The following XKR6 variants were observed in gnomAD, a reference collection of about 807,000 sequenced individuals.
XKR6 encodes XK related 6, also known as XK-related protein 6.
XKR6 carries 22 observed loss-of-function variants against 56.7 expected under a neutral mutation model. The observed-to-expected ratio is 0.39, with a 90% CI of 0.28 to 0.55. The LOEUF is 0.55. XKR6 is among the 20% of genes least tolerant of loss of function. The pLI is 0.66. For missense variants in XKR6, 852 were observed against 889.0 expected, an observed-to-expected ratio of 0.96 and a Z score of 0.53; for synonymous variants, 524 against 387.8, an observed-to-expected ratio of 1.35 and a Z score of -4.13.
rs775659258 is a variant in XKR6 at position 11,083,926 on chromosome 8, TA to T, written c.764+116649del. Among the ~76,000 whole-genome samples, 1,293 of 146,134 alleles carry T rather than the reference TA, an allele frequency of 8.8e-3. 8 individuals carry two copies. The highest frequency in any genetic ancestry group is 0.019 in the African/African-American group (779 of 40,138). ...ACAGATTGTAAGTTTGCTGTTTCGT[TA>T]AAAAAAAAAACTCCTTTAATACTAT... On this transcript the variant is annotated intron_variant, in intron 1 of 2. Coordinates refer to ENST00000416569, the MANE Select transcript of XKR6 (RefSeq NM_173683.4).
chr8:11,073,220 T>C (rs1439474892), intron 1 of XKR6, among the ~76,000 whole-genome samples: 2 of 152,180 alleles, frequency 1.3e-5, no homozygotes, highest in Non-Finnish European at 2.9e-5. Context: ...ATGTGTCCTT[T>C]TATGAGTTGA....
intron 1 of XKR6, among the ~76,000 whole-genome samples, chr8:10,947,543 G>A (rs993334865): frequency 1.1e-4 from 17 of 152,150 alleles, no homozygotes; most frequent in Admixed American, 6.5e-4. Flanking sequence ...AGAAAGGACC[G>A]AGAGGGCCCT....
intron 1 of XKR6, among the ~76,000 whole-genome samples, chr8:11,126,362 G>A (rs1038407889): frequency 2.0e-5 from 3 of 152,074 alleles, no homozygotes; most frequent in Non-Finnish European, 2.9e-5. Context: ...CACTGTGCCC[G>A]GCCTACTTTG....
At chr8:11,126,707 T>C (rs1217674009) in intron 1 of XKR6, among the ~76,000 whole-genome samples, 1 of 152,208 alleles carries the variant, frequency 6.6e-6, no homozygotes, top group African/African-American at 2.4e-5. Context: ...GAGCCATCTC[T>C]GGAGTCAGTT....
intron 1 of XKR6, chr8:11,138,352 C>G (rs1376382386): frequency 6.6e-6 from 1 of 152,322 alleles, no homozygotes; most frequent in African/African-American, 2.4e-5. Flanking sequence ...GGTCAGGCAT[C>G]TATCATAAAG....
intron 1 of XKR6, among the ~76,000 whole-genome samples, chr8:11,135,757 GAAAAAACCACCATACAGA>G (rs1415995227): frequency 6.6e-6 from 1 of 150,866 alleles, no homozygotes; most frequent in East Asian, 1.9e-4. Flanking sequence ...AGAAAAAAGT[GAAAAAACCACCATACAGA>G]AAAAAATTTC....
At chr8:10,956,713 C>G (rs553663853) in intron 1 of XKR6, among the ~76,000 whole-genome samples, 1 of 152,176 alleles carries the variant, frequency 6.6e-6, no homozygotes, top group Non-Finnish European at 1.5e-5. Flanking sequence ...TTTCAAAGGG[C>G]TGGAGCCAAT....
chr8:11,113,745 C>T (rs1049778398), intron 1 of XKR6: 2 of 152,884 alleles, frequency 1.3e-5, no homozygotes, highest in African/African-American at 4.8e-5. Context: ...AGGTAGCTCA[C>T]AAGAGCTCAC....
chr8:11,062,091 G>C (rs1799849674), intron 1 of XKR6, among the ~76,000 whole-genome samples: 1 of 152,196 alleles, frequency 6.6e-6, no homozygotes, highest in African/African-American at 2.4e-5. Context: ...AGGATGCTCA[G>C]AGAAACCAGA....
intron 1 of XKR6, among the ~76,000 whole-genome samples, chr8:11,069,971 G>A (rs1011100507): frequency 6.6e-6 from 1 of 152,212 alleles, no homozygotes; most frequent in African/African-American, 2.4e-5. Flanking sequence ...GCTGCCTCAT[G>A]ACTTCCGCCC....
intron 1 of XKR6, chr8:11,123,512 T>C (rs1799580627): frequency 4.3e-6 from 1 of 230,974 alleles, no homozygotes. Context: ...TGCTACAATG[T>C]GAAGCCTGAC....
intron 1 of XKR6, among the ~76,000 whole-genome samples, chr8:11,118,442 CTTTT>C (rs905089570): frequency 6.6e-6 from 1 of 152,250 alleles, no homozygotes; most frequent in South Asian, 2.1e-4. Flanking sequence ...TGGTCCTGGA[CTTTT>C]TTTAGTTGGT....
At chr8:11,140,965 C>G (rs566962168) in intron 1 of XKR6, among the ~76,000 whole-genome samples, 101 of 150,058 alleles carry the variant, frequency 6.7e-4, no homozygotes, top group African/African-American at 2.4e-3. Context: ...ATCAACATCA[C>G]TCCAAAGACA....
At chr8:11,194,129 T>C (rs376058790) in intron 1 of XKR6, among the ~76,000 whole-genome samples, 1 of 152,200 alleles carries the variant, frequency 6.6e-6, no homozygotes, top group African/African-American at 2.4e-5. Flanking sequence ...GCTTTAAAAA[T>C]AGATTAAGTG....
chr8:11,155,837 T>G (rs1188223769), intron 1 of XKR6, among the ~76,000 whole-genome samples: 2 of 152,238 alleles, frequency 1.3e-5, no homozygotes, highest in African/African-American at 4.8e-5. Flanking sequence ...TCAATGGCTC[T>G]CTTGCATTTT....
chr8:11,011,081 C>A (rs1406425994), intron 1 of XKR6, among the ~76,000 whole-genome samples: 2 of 152,216 alleles, frequency 1.3e-5, no homozygotes, highest in Non-Finnish European at 2.9e-5. Context: ...AGGCTTGGGC[C>A]AGCTCAGTAA....
chr8:11,078,577 G>T (rs969346885), intron 1 of XKR6, among the ~76,000 whole-genome samples: 5 of 152,184 alleles, frequency 3.3e-5, no homozygotes, highest in Non-Finnish European at 5.9e-5. Flanking sequence ...AAGTGCAATG[G>T]GGTGTGAGAG....
chr8:11,127,664 C>CT (rs1302055679), intron 1 of XKR6, among the ~76,000 whole-genome samples: 1 of 152,182 alleles, frequency 6.6e-6, no homozygotes, highest in Non-Finnish European at 1.5e-5. Flanking sequence ...TAGGAGGCCC[C>CT]TTGTGGCTAC....
chr8:11,002,185 C>T (rs1480158251), intron 1 of XKR6, among the ~76,000 whole-genome samples: 3 of 152,166 alleles, frequency 2.0e-5, no homozygotes, highest in Non-Finnish European at 4.4e-5. Flanking sequence ...CCTCACCCTC[C>T]CCAATCCTGA....
Sources: gnomAD v4.1 joint callset for allele counts (sites outside exome capture counted in the v4.1 genomes callset) on GRCh38, gnomAD v4.1.1 for gene constraint, MANE v1.5 for transcripts, NCBI Gene and HGNC (gene_info 2026-07-23, HGNC 2026-07-21) for gene names.